Variants in SPTLC1 observed in about 807,000 individuals in gnomAD.
SPTLC1 encodes serine palmitoyltransferase 1.
A neutral mutation model predicts 68.9 loss-of-function variants in SPTLC1; 55 were observed. The observed-to-expected ratio is 0.80, with a 90% CI of 0.64 to 1.00. SPTLC1 has a LOEUF of 1.00. SPTLC1 is among the 50% of genes least tolerant of loss of function. The pLI is 0.00. For missense variants in SPTLC1, 449 were observed against 573.1 expected, an observed-to-expected ratio of 0.78 and a Z score of 2.21; for synonymous variants, 197 against 201.6, an observed-to-expected ratio of 0.98 and a Z score of 0.19.
chr9:92,077,224 C>T (rs7870565), intron 5 of SPTLC1, among the ~76,000 whole-genome samples: 16,287 of 152,076 alleles, frequency 0.11, 1,887 homozygotes, highest in African/African-American at 0.3. Context: ...GGGTCCCAAC[C>T]TTATTTCAGA....
rs150608058 is a variant in SPTLC1 at position 92,060,029 on chromosome 9, C to A, written c.561-721G>T. On this transcript the variant is annotated intron_variant, in intron 6 of 14. Coordinates refer to ENST00000262554, the MANE Select transcript of SPTLC1 (RefSeq NM_006415.4). ...TGGGAGTAGTGGGCACCCTCCCCAT[C>A]TCCTCCTGGGCAGTGTCACAGGAGG... Among the ~76,000 whole-genome samples, 1,039 of 152,292 alleles carry A rather than the reference C, an allele frequency of 6.8e-3. 12 individuals are homozygous for A. Among genetic ancestry groups the A allele is most frequent in the African/African-American group, 0.024 (987 of 41,558 alleles).
chr9:92,047,657 T>A lies in SPTLC1; in HGVS notation c.940A>T (p.Ile314Phe). The A allele has an allele frequency of 6.2e-7, 1 of 1,613,920 alleles. No individual in the cohort carries two copies. The highest frequency in any genetic ancestry group is 1.3e-5 in the African/African-American group (1 of 75,016). The part of the protein sequence containing the change: ...SANMENALAS[I>F]GGFCCGRSFV... ...GACCTGCCACAGCAGAAACCTCCAA[T>A]AGAAGCAAGTGCATTCTCCATGTTG... Residue 314 changes from isoleucine (I) to phenylalanine (F), a missense_variant, in exon 10 of 15, where the codon ATT becomes TTT. Around this residue, in one of 3 missense-constraint regions of SPTLC1, gnomAD observed 391 missense variants for 472.1 expected, o/e 0.83. Transcript: ENST00000262554.
Position 92,115,406 on chromosome 9 carries a change from C to G in SPTLC1, c.-36G>C. ...TTCCTTCCGGAAGGCGGGTCACAAG[C>G]GCGTCCCAAAAGTGCGCGTCGCTGC... On this transcript the variant is annotated 5_prime_UTR_variant, in exon 1 of 15. Transcript: ENST00000262554. 6.2e-7 allele frequency: 1 copy of G among 1,609,492 alleles called. No homozygotes were observed. The highest frequency in any genetic ancestry group is 8.5e-7 in the Non-Finnish European group (1 of 1,176,670).
At chr9:92,068,233 T>A (rs1187015210) in intron 5 of SPTLC1, 135 bp from the exon 6 acceptor site, 1 of 814,680 alleles carries the variant, frequency 1.2e-6, no homozygotes, top group Admixed American at 2.6e-5. Context: ...TGTTTTTAAA[T>A]GATAGATTAT....
rs1019261252 is a variant in SPTLC1, at chr9:92,055,479, G to C, written c.706C>G (p.Arg236Gly). ...IEDQKNPRKARVTRRFIVVEG... is the reference protein window; with the variant it reads ...IEDQKNPRKAGVTRRFIVVEG... ...ACTACAATGAAACGCCGAGTTACACGAGCCTTGCGAGGATTCTTTAAAAGA... is the reference window on the plus strand; with the variant it reads ...ACTACAATGAAACGCCGAGTTACACCAGCCTTGCGAGGATTCTTTAAAAGA... Residue 236 changes from arginine to glycine, a missense_variant, in exon 8 of 15, where the codon CGT (arginine) becomes GGT (glycine). By Grantham distance (125) the Arg-to-Gly change is moderately radical. Coordinates refer to ENST00000262554, the MANE Select transcript of SPTLC1 (RefSeq NM_006415.4). 1.2e-6 allele frequency: 2 copies of C among 1,613,404 alleles called. No homozygotes were observed. Among genetic ancestry groups the C allele is most frequent in the Non-Finnish European group, 8.5e-7 (1 of 1,179,948 alleles).
chr9:92,046,913 G>C (rs10118582), intron 11 of SPTLC1, among the ~76,000 whole-genome samples: 41,564 of 152,068 alleles, frequency 0.27, 8,840 homozygotes, highest in African/African-American at 0.6. Context: ...AGAGCCCCTC[G>C]TCCTCCCAGC....
chr9:92,098,237 C>T (rs1835611768), intron 3 of SPTLC1, among the ~76,000 whole-genome samples: 1 of 152,174 alleles, frequency 6.6e-6, no homozygotes, highest in Non-Finnish European at 1.5e-5. Context: ...TCCCGCCACC[C>T]GGACCAACGC....
chr9:92,038,991 C>CAAAAAAT (rs1833249464), intron 12 of SPTLC1, among the ~76,000 whole-genome samples: 1 of 152,040 alleles, frequency 6.6e-6, no homozygotes, highest in African/African-American at 2.4e-5. Context: ...AAACAAAAAA[C>CAAAAAAT]AAAAAATTGG....
intron 3 of SPTLC1, among the ~76,000 whole-genome samples, chr9:92,084,381 T>C (rs892228052): frequency 4.6e-5 from 7 of 152,250 alleles, no homozygotes; most frequent in African/African-American, 1.7e-4. Context: ...TGTGGGTCTG[T>C]CATAGATAGC....
chr9:92,096,383 GTA>G (rs897517997), intron 3 of SPTLC1, among the ~76,000 whole-genome samples: 9 of 151,740 alleles, frequency 5.9e-5, no homozygotes, highest in East Asian at 1.9e-4. Flanking sequence ...GTGTGTGTGT[GTA>G]TATATATATA....
intron 3 of SPTLC1, chr9:92,107,877 G>A (rs1006446385): frequency 3.9e-5 from 6 of 152,314 alleles, no homozygotes; most frequent in Admixed American, 3.3e-4. Flanking sequence ...ATACTACTCA[G>A]GAAAATATCT....
intron 10 of SPTLC1, 123 bp from the exon 11 acceptor site, chr9:92,047,391 C>A: frequency 1.2e-6 from 1 of 850,386 alleles, no homozygotes. Context: ...GGGGTAAGAT[C>A]CAGCCATAAA....
intron 12 of SPTLC1, among the ~76,000 whole-genome samples, chr9:92,041,843 A>G (rs1833358773): frequency 6.6e-6 from 1 of 152,264 alleles, no homozygotes; most frequent in African/African-American, 2.4e-5. Flanking sequence ...TTCAGCCATA[A>G]GACAAATTTA....
intron 8 of SPTLC1, among the ~76,000 whole-genome samples, chr9:92,053,675 T>A (rs974690891): frequency 3.3e-5 from 5 of 152,176 alleles, no homozygotes; most frequent in Non-Finnish European, 7.3e-5. Context: ...AGGTCATATA[T>A]TATATGATGC....
At chr9:92,073,852 G>A (rs1182030503) in intron 5 of SPTLC1, among the ~76,000 whole-genome samples, 4 of 152,166 alleles carry the variant, frequency 2.6e-5, no homozygotes, top group Admixed American at 1.3e-4. Context: ...AAACTTCAAG[G>A]CGTACAAACC....
chr9:92,058,650 G>C (rs1017811689), intron 7 of SPTLC1, among the ~76,000 whole-genome samples: 2 of 152,282 alleles, frequency 1.3e-5, no homozygotes, highest in Non-Finnish European at 1.5e-5. Flanking sequence ...AAGCTGGAAG[G>C]AGACCATGTT....
chr9:92,067,257 C>T (rs926298971), intron 6 of SPTLC1, among the ~76,000 whole-genome samples: 2 of 151,806 alleles, frequency 1.3e-5, no homozygotes, highest in African/African-American at 4.8e-5. Flanking sequence ...CAAGATTGCG[C>T]CATTGCACTC....
intron 12 of SPTLC1, among the ~76,000 whole-genome samples, chr9:92,039,682 G>C (rs1833273011): frequency 6.6e-6 from 1 of 152,072 alleles, no homozygotes; most frequent in Non-Finnish European, 1.5e-5. Context: ...AGAATGAAAT[G>C]ACAATAAAAA....
chr9:92,112,911 C>G (rs1468426499), intron 1 of SPTLC1, among the ~76,000 whole-genome samples: 2 of 152,058 alleles, frequency 1.3e-5, no homozygotes. Flanking sequence ...AGTTTGAGAC[C>G]AGCCTGACCA....
Sources: allele counts gnomAD v4.1 joint callset (sites outside exome capture counted in the v4.1 genomes callset), GRCh38; gene constraint gnomAD v4.1.1; regional missense constraint gnomAD v4.1.1; transcripts MANE v1.5; gene names NCBI Gene and HGNC (gene_info 2026-07-23, HGNC 2026-07-21).